The following SIPA1L1 variants were observed in gnomAD, a reference collection of about 807,000 sequenced individuals.
The protein encoded by SIPA1L1 is signal-induced proliferation-associated 1-like protein 1.
Under a neutral mutation model 162.7 loss-of-function variants are expected in SIPA1L1, and 26 were observed. The ratio of observed to expected loss-of-function variants is 0.16; its 90% CI spans 0.12 to 0.22. The LOEUF is 0.22. SIPA1L1 is among the 10% of genes least tolerant of loss of function. The pLI, the probability that SIPA1L1 is intolerant of heterozygous loss-of-function variation, is 1.00. For synonymous variants in SIPA1L1, 829 were observed against 837.4 expected, an observed-to-expected ratio of 0.99 and a Z score of 0.17; for missense variants, 1,874 against 2,241.0, an observed-to-expected ratio of 0.84 and a Z score of 3.31.
At chr14:71,337,292 A>G (rs975386444) in intron 2 of SIPA1L1, among the ~76,000 whole-genome samples, 3 of 152,166 alleles carry the variant, frequency 2.0e-5, no homozygotes, top group Non-Finnish European at 4.4e-5. Context: ...ATTTAATTCA[A>G]AAAGTATGGA....
intron 5 of SIPA1L1, among the ~76,000 whole-genome samples, chr14:71,601,535 T>C (rs2036750729): frequency 6.6e-6 from 1 of 152,236 alleles, no homozygotes; most frequent in East Asian, 1.9e-4. Flanking sequence ...TCATGTGGAA[T>C]ACTGACCTGC....
chr14:71,423,619 C>T (rs2043350378), intron 2 of SIPA1L1, among the ~76,000 whole-genome samples: 1 of 152,036 alleles, frequency 6.6e-6, no homozygotes, highest in African/African-American at 2.4e-5. Context: ...ATCATTTCAC[C>T]ATGTATGCAA....
At chr14:71,608,311 TGTTAGA>T (rs1299969117) in intron 5 of SIPA1L1, among the ~76,000 whole-genome samples, 1 of 152,202 alleles carries the variant, frequency 6.6e-6, no homozygotes, top group African/African-American at 2.4e-5. Context: ...TCTGGCTACC[TGTTAGA>T]GACTTCCCCC....
At position 71,359,259 on chromosome 14, in the gene SIPA1L1, G is replaced by A. The variant is rs148711638; in HGVS notation, c.-465+38078G>A. ...CCCTGCACACGCTCTCTTGCCTGCC[G>A]CCATGTAAGATGTCACTTTGCTCTT... is the stretch of plus-strand genomic sequence containing the variant. On this transcript the variant is annotated intron_variant, in intron 2 of 23. Coordinates refer to ENST00000381232, the MANE Select transcript of SIPA1L1 (RefSeq NM_001386936.1). Among the ~76,000 whole-genome samples the A allele has an allele frequency of 6.1e-3, 928 of 152,258 alleles. 14 individuals are homozygous for A. Among genetic ancestry groups the A allele is most frequent in the African/African-American group, 0.021 (878 of 41,532 alleles).
At chr14:71,657,769 G>A (rs2043189662) in intron 8 of SIPA1L1, among the ~76,000 whole-genome samples, 1 of 151,760 alleles carries the variant, frequency 6.6e-6, no homozygotes, top group Admixed American at 6.6e-5. Flanking sequence ...AGAATTCAGG[G>A]GTCTGTGAAC....
intron 4 of SIPA1L1, among the ~76,000 whole-genome samples, chr14:71,550,316 A>G (rs1043594779): frequency 1.3e-5 from 2 of 152,218 alleles, no homozygotes; most frequent in African/African-American, 4.8e-5. Context: ...AACTTGCTCC[A>G]TGCAGCTGGG....
chr14:71,440,431 C>T lies in SIPA1L1; in HGVS notation c.-464-72312C>T, dbSNP rs542968845. ...ATTTTGGGCAGCCGAGGCAGGCCGACTACTTGAGTCTAGGAGTTTGTGACC... is the reference window on the plus strand; with the variant it reads ...ATTTTGGGCAGCCGAGGCAGGCCGATTACTTGAGTCTAGGAGTTTGTGACC... On this transcript the variant is annotated intron_variant, in intron 2 of 23. Transcript: ENST00000381232. 2.0e-5 allele frequency among the ~76,000 whole-genome samples: 3 copies of T among 152,000 alleles called. No individual in the cohort carries two copies. The South Asian group carries it at 6.2e-4, about 32-fold the overall frequency.
intron 4 of SIPA1L1, among the ~76,000 whole-genome samples, chr14:71,584,940 A>G (rs2147433348): frequency 6.6e-6 from 1 of 152,296 alleles, no homozygotes; most frequent in African/African-American, 2.4e-5. Flanking sequence ...TTGTCAACAT[A>G]GGTTTGCTGT....
intron 12 of SIPA1L1, among the ~76,000 whole-genome samples, chr14:71,679,759 CA>C: frequency 6.6e-6 from 1 of 151,518 alleles, no homozygotes; most frequent in Non-Finnish European, 1.5e-5. Context: ...AAATGGAAAA[CA>C]AAAAAAGGCA....
At chr14:71,340,806 G>A (rs894191439) in intron 2 of SIPA1L1, among the ~76,000 whole-genome samples, 1 of 152,196 alleles carries the variant, frequency 6.6e-6, no homozygotes, top group Admixed American at 6.5e-5. Flanking sequence ...AGGCATGGTG[G>A]TGCATGCCTG....
intron 7 of SIPA1L1, among the ~76,000 whole-genome samples, chr14:71,643,270 A>G (rs1486342375): frequency 6.6e-6 from 1 of 152,224 alleles, no homozygotes; most frequent in Non-Finnish European, 1.5e-5. Flanking sequence ...AAGAAAGGTT[A>G]TCAAAATAAA....
At chr14:71,472,953 G>C (rs117286596) in intron 2 of SIPA1L1, among the ~76,000 whole-genome samples, 1 of 151,274 alleles carries the variant, frequency 6.6e-6, no homozygotes, top group African/African-American at 2.4e-5. Flanking sequence ...TCAAATGATC[G>C]TCCCACCTTA....
At chr14:71,733,960 C>T (rs1056587990) in intron 21 of SIPA1L1, 148 bp downstream of exon 21, 9 of 806,842 alleles carry the variant, frequency 1.1e-5, no homozygotes, top group African/African-American at 1.0e-4. Context: ...GGGACCAGAC[C>T]CTAAGCTGGA....
intron 8 of SIPA1L1, 151 bp downstream of exon 8, chr14:71,650,660 C>T (rs2042544173): frequency 4.3e-6 from 3 of 701,768 alleles, no homozygotes; most frequent in Non-Finnish European, 7.2e-6. Context: ...GGATGTAGCA[C>T]CAGAACAGTT....
intron 4 of SIPA1L1, among the ~76,000 whole-genome samples, chr14:71,530,935 G>A (rs1189682058): frequency 6.6e-6 from 1 of 152,164 alleles, no homozygotes; most frequent in Non-Finnish European, 1.5e-5. Context: ...CTGTTCTTAG[G>A]TACTTGTGAA....
chr14:71,351,240 G>GA (rs976226032), intron 2 of SIPA1L1, among the ~76,000 whole-genome samples: 14 of 152,008 alleles, frequency 9.2e-5, no homozygotes, highest in South Asian at 4.1e-4. Context: ...GGGTGATTAA[G>GA]AAAAAATGCC....
rs1481483361 is a variant in SIPA1L1 at position 71,629,211 on chromosome 14, A to C, written c.1818+4975A>C. 2.0e-5 allele frequency among the ~76,000 whole-genome samples: 3 copies of C among 152,376 alleles called. No individual in the cohort carries two copies. In the East Asian group the frequency reaches 5.8e-4, roughly 29 times the overall value. On this transcript the variant is annotated intron_variant, in intron 7 of 23. Coordinates refer to ENST00000381232, the MANE Select transcript of SIPA1L1 (RefSeq NM_001386936.1). ...CTCAGCCTCCCAAAGTGCTGGGATT[A>C]CAGGCATGAGCCACTGCTCTTGGCC... is the stretch of plus-strand genomic sequence containing the variant.
intron 13 of SIPA1L1, among the ~76,000 whole-genome samples, chr14:71,687,581 A>T (rs2080962055): frequency 6.6e-6 from 1 of 152,244 alleles, no homozygotes; most frequent in Admixed American, 6.5e-5. Flanking sequence ...TGCAACAGAA[A>T]CTAAAGCTCC....
At chr14:71,583,121 A>G (rs2034155012) in intron 4 of SIPA1L1, among the ~76,000 whole-genome samples, 1 of 152,178 alleles carries the variant, frequency 6.6e-6, no homozygotes, top group South Asian at 2.1e-4. Context: ...CAGGCATTCT[A>G]AGTCTGTGTT....
Sources: allele counts gnomAD v4.1 joint callset (sites outside exome capture counted in the v4.1 genomes callset), GRCh38; gene constraint gnomAD v4.1.1; transcripts MANE v1.5; gene names NCBI Gene and HGNC (gene_info 2026-07-23, HGNC 2026-07-21).